Variants in ZYG11A observed in about 807,000 individuals in gnomAD.
ZYG11A encodes the protein zyg-11 family member A, cell cycle regulator.
In ZYG11A, 62 loss-of-function variants were observed where a neutral mutation model predicts 77.2. The ratio of observed to expected loss-of-function variants is 0.80; its 90% CI spans 0.65 to 0.99. The LOEUF is 0.99. Ranked by LOEUF, ZYG11A falls within the 50% of genes least tolerant of loss-of-function variation. The pLI, the probability that ZYG11A is intolerant of heterozygous loss-of-function variation, is 0.00. For synonymous variants in ZYG11A, 315 were observed against 324.6 expected, an observed-to-expected ratio of 0.97 and a Z score of 0.32; for missense variants, 828 against 896.8, an observed-to-expected ratio of 0.92 and a Z score of 0.98.
chr1:52,884,455 C>G (rs1646412929), intron 11 of ZYG11A, among the ~76,000 whole-genome samples: 1 of 148,184 alleles, frequency 6.7e-6, no homozygotes, highest in South Asian at 2.1e-4. Flanking sequence ...GAGATCGTGC[C>G]ACTGCACTCC....
intron 10 of ZYG11A, among the ~76,000 whole-genome samples, chr1:52,879,747 C>CTTATTAT (rs1646329438): frequency 7.0e-6 from 1 of 142,980 alleles, no homozygotes; most frequent in Non-Finnish European, 1.5e-5. Flanking sequence ...TTCCACTTTT[C>CTTATTAT]TTATTTATTT....
At chr1:52,870,661 C>A (rs1271488494) in intron 8 of ZYG11A, among the ~76,000 whole-genome samples, 1 of 152,236 alleles carries the variant, frequency 6.6e-6, no homozygotes, top group Non-Finnish European at 1.5e-5. Context: ...GAGCTGGAGA[C>A]CAGCCCGGCC....
chr1:52,846,759 T>G (rs1645593143), intron 1 of ZYG11A, among the ~76,000 whole-genome samples: 1 of 152,194 alleles, frequency 6.6e-6, no homozygotes, highest in East Asian at 1.9e-4. Context: ...GTGGTATATG[T>G]TGATAGATAT....
At chr1:52,874,241 A>G (rs76807433) in intron 8 of ZYG11A, among the ~76,000 whole-genome samples, 2 of 43,834 alleles carry the variant, frequency 4.6e-5, no homozygotes, top group Admixed American at 3.4e-4. Context: ...CTCTCTCTCT[A>G]TATATATATA....
At chr1:52,845,739 C>T (rs931608853) in intron 1 of ZYG11A, among the ~76,000 whole-genome samples, 2 of 151,092 alleles carry the variant, frequency 1.3e-5, no homozygotes, top group African/African-American at 4.9e-5. Flanking sequence ...GAGAGAGTCT[C>T]ACTCTGTTGC....
In ZYG11A at chr1:52,846,308, TTTTATATA is replaced by T. The variant is rs1340020370; in HGVS notation, c.90+3337_90+3344del. The stretch of plus-strand genomic sequence containing the variant: ...TTTTGGAAATCATGGCTTTTTAAAT[TTTTATATA>T]TATATATATATATATATATATATAT... On this transcript the variant is annotated intron_variant, in intron 1 of 13. Transcript: ENST00000371528. 4.1e-4 allele frequency among the ~76,000 whole-genome samples: 51 copies of T among 124,890 alleles called. 1 individual carries two copies. The highest frequency in any genetic ancestry group is 1.6e-3 in the East Asian group (5 of 3,080). The allele number at this position is 124,890 out of a possible 152,430, so 81.9% of individuals were successfully genotyped here. A position where few individuals can be genotyped will look rare whatever the true frequency, so the allele number is the denominator to read the frequency against.
intron 8 of ZYG11A, among the ~76,000 whole-genome samples, chr1:52,871,769 G>A (rs931363279): frequency 6.6e-6 from 1 of 152,052 alleles, no homozygotes; most frequent in Non-Finnish European, 1.5e-5. Flanking sequence ...TCTATTTGTT[G>A]TTTCTGTGCA....
At chr1:52,869,299 T>C (rs1646093112) in intron 8 of ZYG11A, among the ~76,000 whole-genome samples, 1 of 149,634 alleles carries the variant, frequency 6.7e-6, no homozygotes, top group Non-Finnish European at 1.5e-5. Flanking sequence ...CAGAGGGGGA[T>C]TTGGCAGGGT....
intron 13 of ZYG11A, among the ~76,000 whole-genome samples, chr1:52,888,575 C>A (rs1328626794): frequency 6.6e-6 from 1 of 152,212 alleles, no homozygotes; most frequent in Admixed American, 6.5e-5. Context: ...CCAGGCTGGT[C>A]TCGAACTTGT....
At chr1:52,882,724 A>G (rs1337626518) in intron 11 of ZYG11A, among the ~76,000 whole-genome samples, 1 of 152,174 alleles carries the variant, frequency 6.6e-6, no homozygotes, top group Non-Finnish European at 1.5e-5. Context: ...TTTACTTGTC[A>G]GGATCACTGT....
chr1:52,881,867 C>T, intron 11 of ZYG11A: 30 of 369,378 alleles, frequency 8.1e-5, no homozygotes, highest in South Asian at 4.0e-4. Flanking sequence ...TTCTCATCAG[C>T]TTTTTTTTTT....
Position 52,854,600 on chromosome 1 carries a change from G to C in ZYG11A, c.226G>C (p.Glu76Gln), listed in dbSNP as rs1256422178. 2 of 1,546,502 alleles carry C rather than the reference G, an allele frequency of 1.3e-6. No individual in the cohort carries two copies. Among genetic ancestry groups the C allele is most frequent in the South Asian group, 2.4e-5 (2 of 83,282 alleles). The stretch of plus-strand genomic sequence containing the variant: ...TTGGAGTTTCCCTCAGGAAGTAGCC[G>C]AGCGATTTCTCAGGGTGATGACTTG... The part of the protein sequence containing the change: ...EHWSFPQEVA[E>Q]RFLRVMTWQG... The change falls in exon 2 of 14, where the codon GAG (glutamate) becomes CAG (glutamine). Residue 76 changes from glutamate (E) to glutamine (Q), a missense_variant. Physicochemically the swap from Glu to Gln is conservative, Grantham distance 29 (BLOSUM62 2). Transcript: ENST00000371528.
intron 7 of ZYG11A, 30 bp downstream of exon 7, chr1:52,867,668 ATC>A (rs1300439791): frequency 3.9e-6 from 6 of 1,549,872 alleles, no homozygotes; most frequent in Admixed American, 3.9e-5. Flanking sequence ...CAAGATGTCT[ATC>A]TCTCTAGTTT....
chr1:52,865,200 C>T (rs996800981), intron 5 of ZYG11A, among the ~76,000 whole-genome samples: 2 of 151,990 alleles, frequency 1.3e-5, no homozygotes, highest in African/African-American at 4.8e-5. Context: ...CTTGGCCTCC[C>T]AAAGTGCTGG....
chr1:52,866,685 A>G (rs771331721), intron 6 of ZYG11A, 118 bp downstream of exon 6: 5 of 605,768 alleles, frequency 8.3e-6, no homozygotes, highest in Admixed American at 3.1e-5. Context: ...CATCTTCCAC[A>G]GAGAAGTGAT....
intron 4 of ZYG11A, 78 bp from the exon 5 acceptor site, chr1:52,863,903 G>A (rs978538773): frequency 6.8e-6 from 9 of 1,321,404 alleles, no homozygotes; most frequent in East Asian, 2.6e-5. Context: ...ACGAAGATTT[G>A]TGCCAATCAA....
intron 11 of ZYG11A, among the ~76,000 whole-genome samples, chr1:52,885,408 G>A (rs1206058158): frequency 6.7e-6 from 1 of 149,432 alleles, no homozygotes; most frequent in Non-Finnish European, 1.5e-5. Flanking sequence ...GTTTCACCGT[G>A]TTAGCCAGGT....
chr1:52,879,961 T>C (rs1646335538), intron 10 of ZYG11A, among the ~76,000 whole-genome samples: 1 of 151,658 alleles, frequency 6.6e-6, no homozygotes, highest in Admixed American at 6.6e-5. Context: ...AGACAGGGTT[T>C]CACCATGTTA....
chr1:52,871,242 A>G (rs1375542228), intron 8 of ZYG11A, among the ~76,000 whole-genome samples: 1 of 152,164 alleles, frequency 6.6e-6, no homozygotes, highest in African/African-American at 2.4e-5. Context: ...CCTGGGCTCA[A>G]GCGACCCTCT....
Sources: gnomAD v4.1 joint callset for allele counts (sites outside exome capture counted in the v4.1 genomes callset) on GRCh38, gnomAD v4.1.1 for gene constraint, MANE v1.5 for transcripts, NCBI Gene and HGNC (gene_info 2026-07-23, HGNC 2026-07-21) for gene names.